The following DHX8 variants were observed in gnomAD, a reference collection of about 807,000 sequenced individuals.
The protein encoded by DHX8 is DEAH-box helicase 8, also known as ATP-dependent RNA helicase DHX8.
Under a neutral mutation model 140.7 loss-of-function variants are expected in DHX8, and 67 were observed. The ratio of observed to expected loss-of-function variants is 0.48; its 90% confidence interval spans 0.39 to 0.58. DHX8 has a LOEUF of 0.58. Among genes scored for constraint, DHX8 ranks in the 20% least tolerant of loss-of-function variants. The pLI, the probability that DHX8 is intolerant of heterozygous loss-of-function variation, is 0.00. For synonymous variants in DHX8, 533 were observed against 553.2 expected, an observed-to-expected ratio of 0.96 and a Z score of 0.51; for missense variants, 887 against 1,550.7, an observed-to-expected ratio of 0.57 and a Z score of 7.19.
chr17:43,507,771 T>G (rs1407420318), intron 14 of DHX8, 38 bp from the exon 15 acceptor site: 2 of 1,613,134 alleles, frequency 1.2e-6, no homozygotes, highest in East Asian at 4.5e-5. Flanking sequence ...TGTCTTTGGG[T>G]AGTCCTTTTC....
In DHX8 at chr17:43,492,334, G is replaced by A. The variant is rs760718403; in HGVS notation, c.503+42G>A. The A allele has an allele frequency of 4.6e-6, 7 of 1,536,394 alleles. No homozygotes were observed. In the South Asian group the frequency reaches 6.8e-5, roughly 15 times the overall value. On this transcript the variant is annotated intron_variant, in intron 5 of 22. Coordinates refer to ENST00000262415, the MANE Select transcript of DHX8 (RefSeq NM_004941.3). The stretch of plus-strand genomic sequence containing the variant: ...CTGTCCTTTGGAAGTTTAGGGTACT[G>A]TGACAGTTGAATATTATGGACCAGC...
chr17:43,518,760 C>T (rs1372145449), intron 18 of DHX8: 3 of 152,156 alleles, frequency 2.0e-5, no homozygotes, highest in Admixed American at 6.6e-5. Flanking sequence ...TCCCCTTTCC[C>T]CCTTCCTCTA....
intron 20 of DHX8, 71 bp downstream of exon 20, chr17:43,520,950 A>G (rs1970344254): frequency 1.2e-5 from 13 of 1,098,134 alleles, no homozygotes; most frequent in African/African-American, 1.8e-5. Flanking sequence ...TGCCATTCCA[A>G]TGCTTGATGT....
At chr17:43,521,224 A>G (rs1970362201) in intron 20 of DHX8, 145 bp from the exon 21 acceptor site, 3 of 715,960 alleles carry the variant, frequency 4.2e-6, no homozygotes, top group Non-Finnish European at 6.7e-6. Flanking sequence ...CAGTTTCCCA[A>G]AATGCTGGGA....
intron 2 of DHX8, chr17:43,533,433 A>G: frequency 7.8e-7 from 1 of 1,283,084 alleles, no homozygotes; most frequent in East Asian, 2.4e-5. Flanking sequence ...AAGCGAGGTC[A>G]CAGGGATTAC....
chr17:43,540,202 C>T (rs1971452648), intron 3 of DHX8, among the ~76,000 whole-genome samples: 1 of 152,192 alleles, frequency 6.6e-6, no homozygotes, highest in African/African-American at 2.4e-5. Flanking sequence ...CCTGTAATCC[C>T]AGCACTTTGG....
chr17:43,530,124 G>A, downstream of DHX8: 1 of 1,579,152 alleles, frequency 6.3e-7, no homozygotes, highest in Non-Finnish European at 8.6e-7. Context: ...CCCGTCACCT[G>A]GAGAGGGCCC....
chr17:43,537,216 C>T (rs368718829), intron 3 of DHX8, among the ~76,000 whole-genome samples: 7 of 150,990 alleles, frequency 4.6e-5, no homozygotes, highest in Admixed American at 6.6e-5. Context: ...AAGTACAAAA[C>T]TTAGCTGGTC....
chr17:43,523,480 G>A (rs1970488329), intron 22 of DHX8, 148 bp from the exon 23 acceptor site: 4 of 1,275,458 alleles, frequency 3.1e-6, no homozygotes, highest in East Asian at 2.5e-5. Flanking sequence ...GGGTGTGGCT[G>A]TCATAAACAG....
rs767822489 is a variant in DHX8, at chr17:43,507,892, A to G, written c.2193A>G (p.Glu731=). ...DAVKFSQYFY[E]APIFTIPGRT... ...TGAAGTTTTCTCAATACTTCTATGA[A>G]GCTCCCATTTTCACCATCCCAGGTC... Residue 731 remains glutamate, a synonymous_variant, in exon 15 of 23, where the codon GAA becomes GAG. Coordinates refer to ENST00000262415, the MANE Select transcript of DHX8 (RefSeq NM_004941.3). The G allele has an allele frequency of 1.2e-6, 2 of 1,614,186 alleles. No homozygotes were observed. Among genetic ancestry groups the G allele is most frequent in the South Asian group, 2.2e-5 (2 of 91,078 alleles).
In DHX8 at chr17:43,492,169, C is replaced by A; in HGVS notation, c.394-14C>A. On this transcript the variant is annotated splice_polypyrimidine_tract_variant and intron_variant, in intron 4 of 22. Coordinates refer to ENST00000262415, the MANE Select transcript of DHX8 (RefSeq NM_004941.3). The stretch of plus-strand genomic sequence containing the variant: ...AGTTTTTTTTCCTAACTTTGCCGGC[C>A]TCTACCTCTGCAGACCATGTTGGAT... 1.2e-6 allele frequency: 2 copies of A among 1,608,636 alleles called. No individual in the cohort carries two copies. The highest frequency in any genetic ancestry group is 1.7e-6 in the Non-Finnish European group (2 of 1,175,068).
chr17:43,529,813 C>A (rs556473066), downstream of DHX8: 1,363 of 1,600,946 alleles, frequency 8.5e-4, 1 homozygote, highest in Non-Finnish European at 1.1e-3. Context: ...AACAATGAAA[C>A]GTGATGTGAC....
chr17:43,503,184 G>A (rs1969296197), intron 11 of DHX8, among the ~76,000 whole-genome samples: 1 of 151,946 alleles, frequency 6.6e-6, no homozygotes, highest in Non-Finnish European at 1.5e-5. Flanking sequence ...GCAATGTGGT[G>A]AAACCCTGTC....
At chr17:43,529,881 G>A (rs1362769510), downstream of DHX8, 4 of 1,614,106 alleles carry the variant, frequency 2.5e-6, no homozygotes, top group Non-Finnish European at 3.4e-6. Flanking sequence ...TCACTTCTCT[G>A]ACCTTCAAAT....
In DHX8 at chr17:43,492,289, A is replaced by G. The variant is rs1968567967; in HGVS notation, c.500A>G (p.His167Arg). ...CAGGAGAAGCAAAGAGATGCTGAACACCGGTTTGTCCTTAGTGTCCTGTCC... is the reference window on the plus strand; with the variant it reads ...CAGGAGAAGCAAAGAGATGCTGAACGCCGGTTTGTCCTTAGTGTCCTGTCC... ...AGQEKQRDAE[H>R]RDRTKKKKRS... Residue 167 changes from histidine to arginine, a missense_variant, in exon 5 of 23, where the codon CAC becomes CGC. His to Arg is a conservative substitution (Grantham distance 29). Coordinates refer to ENST00000262415, the MANE Select transcript of DHX8 (RefSeq NM_004941.3). 1 of 1,612,988 alleles carries G rather than the reference A, an allele frequency of 6.2e-7. No homozygotes were observed. The highest frequency in any genetic ancestry group is 8.5e-7 in the Non-Finnish European group (1 of 1,179,068).
intron 11 of DHX8, 76 bp downstream of exon 11, chr17:43,500,179 G>A (rs539225706): frequency 3.1e-5 from 47 of 1,494,954 alleles, no homozygotes; most frequent in Admixed American, 1.0e-4. Context: ...GGTCACTCCC[G>A]GCACACACTA....
At chr17:43,534,183 G>C (rs1230472319) in intron 2 of DHX8, among the ~76,000 whole-genome samples, 1 of 152,166 alleles carries the variant, frequency 6.6e-6, no homozygotes, top group Non-Finnish European at 1.5e-5. Flanking sequence ...TTATACATCA[G>C]ACTAGTGTCT....
At chr17:43,491,404 T>C (rs1968509431) in intron 4 of DHX8, among the ~76,000 whole-genome samples, 154 bp downstream of exon 4, 1 of 152,186 alleles carries the variant, frequency 6.6e-6, no homozygotes, top group African/African-American at 2.4e-5. Flanking sequence ...ATGTACTATG[T>C]ATTGAATTTG....
downstream of DHX8, chr17:43,528,700 T>G: frequency 6.2e-7 from 1 of 1,614,118 alleles, no homozygotes; most frequent in Non-Finnish European, 8.5e-7. Context: ...GAAGAGGGCC[T>G]CGGGCTCACA....
Sources: allele counts gnomAD v4.1 joint callset (sites outside exome capture counted in the v4.1 genomes callset), GRCh38; gene constraint gnomAD v4.1.1; transcripts MANE v1.5; gene names NCBI Gene and HGNC (gene_info 2026-07-23, HGNC 2026-07-21).